IGSF9B: variants seen among roughly 807,000 people sequenced by gnomAD.
The protein encoded by IGSF9B is protein turtle homolog B.
Under a neutral mutation model 143.7 loss-of-function variants are expected in IGSF9B, and 48 were observed. The observed-to-expected ratio is 0.33, with a 90% CI of 0.26 to 0.42. The LOEUF (loss-of-function observed/expected upper bound fraction) is 0.42, where lower values mean the gene tolerates loss of function less well. IGSF9B is among the 20% of genes least tolerant of loss of function. The pLI is 1.00. For synonymous variants in IGSF9B, 903 were observed against 833.1 expected (o/e 1.08, Z -1.44); for missense variants, 1,706 against 1,980.0 (o/e 0.86, Z 2.63).
At chr11:133,919,641 A>AGCCCG in intron 18 of IGSF9B, 101 bp downstream of exon 18, 3 of 775,936 alleles carry the variant, frequency 3.9e-6, no homozygotes, top group Non-Finnish European at 5.6e-6. Flanking sequence ...TGTCCGCACG[A>AGCCCG]GCCCTGTCGC....
chr11:133,949,888 C>T (rs1029809615), intron 1 of IGSF9B, among the ~76,000 whole-genome samples: 4 of 150,692 alleles, frequency 2.7e-5, no homozygotes, highest in African/African-American at 9.9e-5. Context: ...CACCATAGGT[C>T]TCACTCTCTT....
At chr11:133,924,472 G>A (rs1246985242) in intron 15 of IGSF9B, among the ~76,000 whole-genome samples, 1 of 152,108 alleles carries the variant, frequency 6.6e-6, no homozygotes, top group Non-Finnish European at 1.5e-5. Flanking sequence ...TGTTTCCTCC[G>A]ATTCACAGCC....
Position 133,956,835 on chromosome 11 carries a change from C to T in IGSF9B, c.-81G>A. The stretch of plus-strand genomic sequence containing the variant: ...CACGCGCCTCGCGCCCGAGCGCCCG[C>T]CTCGCGCCCGCCTCGCGCCGCCTAC... On this transcript the variant is annotated 5_prime_UTR_variant, in exon 1 of 20. Transcript: ENST00000533871. The T allele has an allele frequency of 1.3e-5, 11 of 867,684 alleles. No individual in the cohort carries two copies. Among genetic ancestry groups the T allele is most frequent in the Non-Finnish European group, 1.7e-5 (11 of 636,362 alleles). The allele number at this position is 867,684 out of a possible 1,614,324, so 53.7% of individuals were successfully genotyped here.
Position 133,904,994 on chromosome 11 carries a change from G to T in IGSF9B, c.*4075C>A, listed in dbSNP as rs926487443. ...TGAAGAAGATACCCAGGCAGGGCTG[G>T]GTTAGAAGCCCCGGTGGGAATGTGC... On this transcript the variant is annotated 3_prime_UTR_variant, in exon 20 of 20. Transcript: ENST00000533871. Among the ~76,000 whole-genome samples, 1 of 150,064 alleles carries T rather than the reference G, an allele frequency of 6.7e-6. No homozygotes were observed. The highest frequency in any genetic ancestry group is 1.5e-5 in the Non-Finnish European group (1 of 67,710).
In IGSF9B at chr11:133,920,725, G is replaced by A. The variant is rs767452758; in HGVS notation, c.3000C>T (p.Pro1000=). 1.2e-6 allele frequency: 2 copies of A among 1,613,180 alleles called. No homozygotes were observed. The highest frequency in any genetic ancestry group is 1.7e-6 in the Non-Finnish European group (2 of 1,179,604). ...GGCCAAAGGGCCCCTCGGTGGGCAG[G>A]GGCGGGGACGACATGACGGAGCTCA... ...SPLSSVMSSP[P]LPTEGPFGHP... Residue 1000 remains proline, a synonymous_variant, in exon 18 of 20, where the codon CCC becomes CCT. Coordinates refer to ENST00000533871, the MANE Select transcript of IGSF9B (RefSeq NM_001277285.4).
In IGSF9B at chr11:133,901,810, A is replaced by T. The variant is rs1476936129; in HGVS notation, c.*7259T>A. 2.0e-5 allele frequency among the ~76,000 whole-genome samples: 3 copies of T among 150,036 alleles called. No individual in the cohort carries two copies. In the East Asian group the frequency reaches 5.9e-4, roughly 30 times the overall value. ...CTCTCACACACACCACACACAACAGACACACCACACCACACACACAAACAC... is the reference window on the plus strand; with the variant it reads ...CTCTCACACACACCACACACAACAGTCACACCACACCACACACACAAACAC... On this transcript the variant is annotated 3_prime_UTR_variant, in exon 20 of 20. Coordinates refer to ENST00000533871, the MANE Select transcript of IGSF9B (RefSeq NM_001277285.4).
rs1310189260 is a variant in IGSF9B at position 133,930,023 on chromosome 11, CAT to C, written c.1520-243_1520-242del. Among the ~76,000 whole-genome samples, 7 of 152,290 alleles carry C rather than the reference CAT, an allele frequency of 4.6e-5. No homozygotes were observed. The East Asian group carries it at 1.2e-3, about 25-fold the overall frequency. ...GCGGTCTAGTCCAACTAGGAGATCA[CAT>C]AGCATCAGGAATGGGTCCAACAGAA... On this transcript the variant is annotated intron_variant, in intron 11 of 19. Transcript: ENST00000533871.
rs558223954 is a variant in IGSF9B at position 133,909,369 on chromosome 11, G to A, written c.4106-92C>T. The A allele has an allele frequency of 1.5e-3, 1,591 of 1,045,024 alleles. 36 individuals are homozygous for A. The South Asian group carries it at 0.021, about 14-fold the overall frequency. The allele number at this position is 1,045,024 out of a possible 1,614,324, so 64.7% of individuals were successfully genotyped here. A position where few individuals can be genotyped will look rare whatever the true frequency, so the allele number is the denominator to read the frequency against. ...CACCTTTTCCACCTGCATTTGTTCC[G>A]GGTTTCTAATGTTGAAACAAAGGAA... is the stretch of plus-strand genomic sequence containing the variant. On this transcript the variant is annotated intron_variant, in intron 19 of 19. Transcript: ENST00000533871. The surrounding 1 kb of genome is among the most constrained non-coding windows in gnomAD (Gnocchi z 4.2).
intron 7 of IGSF9B, 119 bp from the exon 8 acceptor site, chr11:133,932,332 G>GCAGACAGACAGA (rs569679911): frequency 9.6e-7 from 1 of 1,042,218 alleles, no homozygotes; most frequent in African/African-American, 1.6e-5. Context: ...AGGTGGGAGA[G>GCAGACAGACAGA]CAGACAGACA....
chr11:133,932,046 C>A, intron 8 of IGSF9B, 25 bp downstream of exon 8: 1 of 1,596,736 alleles, frequency 6.3e-7, no homozygotes, highest in Non-Finnish European at 8.6e-7. Context: ...CTCACTCCAA[C>A]CCTCAACATG....
rs1483673764 is a variant in IGSF9B at position 133,920,483 on chromosome 11, G to A, written c.3242C>T (p.Pro1081Leu). The A allele has an allele frequency of 1.1e-5, 18 of 1,575,304 alleles. No homozygotes were observed. The highest frequency in any genetic ancestry group is 1.6e-5 in the Non-Finnish European group (18 of 1,159,748). ...CGCGGGCACCTGCAGGGAGGTGGGGGGCAGTCCTCGGGGGAGGCCGGCCTT... is the reference window on the plus strand; with the variant it reads ...CGCGGGCACCTGCAGGGAGGTGGGGAGCAGTCCTCGGGGGAGGCCGGCCTT... ...QPKAGLPRGLPPTSLQVPAAY... is the reference protein window; with the variant it reads ...QPKAGLPRGLLPTSLQVPAAY... The change falls in exon 18 of 20, where the codon CCC becomes CTC. Residue 1081 changes from proline (P) to leucine (L), a missense_variant. Pro to Leu is a moderately conservative substitution (Grantham distance 98, BLOSUM62 -3). Around this residue, in one of 7 missense-constraint regions of IGSF9B, gnomAD observed 880 missense variants for 762.9 expected, o/e 1.15. Transcript: ENST00000533871.
At chr11:133,938,119 A>G in intron 3 of IGSF9B, 158 bp from the exon 4 acceptor site, 1 of 760,182 alleles carries the variant, frequency 1.3e-6, no homozygotes, top group East Asian at 2.8e-5. Context: ...GCCTACCAAC[A>G]TCACTGGCAG....
intron 3 of IGSF9B, among the ~76,000 whole-genome samples, chr11:133,938,589 C>A (rs897609376): frequency 1.3e-5 from 2 of 152,178 alleles, no homozygotes; most frequent in African/African-American, 4.8e-5. Context: ...AAAACTCCAT[C>A]CTGTTTGGGT....
At chr11:133,949,757 G>A (rs1044862240) in intron 1 of IGSF9B, among the ~76,000 whole-genome samples, 4 of 151,890 alleles carry the variant, frequency 2.6e-5, no homozygotes, top group African/African-American at 9.7e-5. Context: ...GGAAGGGGAG[G>A]AAGAGAGGAA....
chr11:133,926,977 G>A lies in IGSF9B; in HGVS notation c.1746C>T (p.Val582=), dbSNP rs1183332345. 1.3e-6 allele frequency: 2 copies of A among 1,594,616 alleles called. No individual in the cohort carries two copies. Among genetic ancestry groups the A allele is most frequent in the Admixed American group, 1.7e-5 (1 of 57,630 alleles). Reference sequence around the variant, plus strand: ...TGGTTCCCAGCTTGTTCTGGGCCAGGACGCTGAACTGGTACGCTGTCTCAG... The same window carrying A: ...TGGTTCCCAGCTTGTTCTGGGCCAGAACGCTGAACTGGTACGCTGTCTCAG... ...LEPETAYQFS[V]LAQNKLGTSA... is the part of the protein sequence containing the mutation. Residue 582 remains valine (V), a synonymous_variant, in exon 13 of 20, where the codon GTC becomes GTT. Transcript: ENST00000533871.
At chr11:133,916,102 G>C (rs1939375819) in intron 18 of IGSF9B, among the ~76,000 whole-genome samples, 1 of 152,188 alleles carries the variant, frequency 6.6e-6, no homozygotes, top group Non-Finnish European at 1.5e-5. Context: ...TCCCTGCGGT[G>C]ACAGTCAGCC....
At chr11:133,946,935 T>C (rs1591725641) in intron 1 of IGSF9B, among the ~76,000 whole-genome samples, 2 of 152,186 alleles carry the variant, frequency 1.3e-5, no homozygotes, top group East Asian at 3.9e-4. Context: ...AGCACAGTTC[T>C]GCCAGCCCTG....
chr11:133,920,651 A>T lies in IGSF9B; in HGVS notation c.3074T>A (p.Leu1025Gln). ...TCCTGTAGGTGTCTGAGTCAAGGGC[A>T]GCGTGCTGTTGGATGCATTCTCTCC... is the stretch of plus-strand genomic sequence containing the variant. ...ENGENASNST[L>Q]PLTQTPTGGR... is the part of the protein sequence containing the mutation. Residue 1025 changes from leucine (L) to glutamine (Q), a missense_variant, in exon 18 of 20, where the codon CTG becomes CAG. Transcript: ENST00000533871. The T allele has an allele frequency of 1.2e-6, 2 of 1,613,492 alleles. No individual in the cohort carries two copies. Among genetic ancestry groups the T allele is most frequent in the African/African-American group, 2.7e-5 (2 of 75,032 alleles).
chr11:133,913,484 C>T lies in IGSF9B; in HGVS notation c.3984-1477G>A, dbSNP rs975638552. On this transcript the variant is annotated intron_variant, in intron 18 of 19. Coordinates refer to ENST00000533871, the MANE Select transcript of IGSF9B (RefSeq NM_001277285.4). The surrounding 1 kb of genome is among the most constrained non-coding windows in gnomAD (Gnocchi z 4.6). ...CATGCACTGGCAATGCAGTGACCTCCATCTTCCTGGGGGATGTCATCATTC... is the reference window on the plus strand; with the variant it reads ...CATGCACTGGCAATGCAGTGACCTCTATCTTCCTGGGGGATGTCATCATTC... 1.3e-5 allele frequency among the ~76,000 whole-genome samples: 2 copies of T among 152,204 alleles called. No homozygotes were observed. Among genetic ancestry groups the T allele is most frequent in the African/African-American group, 4.8e-5 (2 of 41,452 alleles).
Sources: allele counts gnomAD v4.1 joint callset (sites outside exome capture counted in the v4.1 genomes callset), GRCh38; gene constraint gnomAD v4.1.1; regional missense constraint gnomAD v4.1.1; non-coding constraint Gnocchi (gnomAD v3.1); transcripts MANE v1.5; gene names NCBI Gene and HGNC (gene_info 2026-07-23, HGNC 2026-07-21).